Variants in PRKCE observed in about 807,000 individuals in gnomAD.
PRKCE encodes protein kinase C epsilon type.
PRKCE carries 16 observed loss-of-function variants against 85.4 expected under a neutral mutation model. That is an observed-to-expected ratio of 0.19 (90% confidence interval 0.13 to 0.28). The LOEUF is 0.28. Ranked by LOEUF, PRKCE falls within the 10% of genes least tolerant of loss-of-function variation. The probability of loss-of-function intolerance (pLI) is 1.00; values close to 1 mark genes in which losing one functional copy is unlikely to be tolerated. For synonymous variants in PRKCE, 388 were observed against 371.5 expected, an observed-to-expected ratio of 1.04 and a Z score of -0.51; for missense variants, 573 against 975.2, an observed-to-expected ratio of 0.59 and a Z score of 5.49.
intron 2 of PRKCE, among the ~76,000 whole-genome samples, chr2:45,934,373 G>A (rs977652129): frequency 1.3e-5 from 2 of 152,344 alleles, no homozygotes; most frequent in South Asian, 4.1e-4. Flanking sequence ...TGTTGGCCAG[G>A]CATGGTCACT....
At chr2:45,742,507 G>A (rs542105354) in intron 1 of PRKCE, among the ~76,000 whole-genome samples, 3 of 151,708 alleles carry the variant, frequency 2.0e-5, no homozygotes, top group Admixed American at 6.6e-5. Flanking sequence ...ATACCAACAG[G>A]TATATGAAAG....
chr2:46,157,966 A>C (rs974112877), intron 13 of PRKCE, among the ~76,000 whole-genome samples: 2 of 152,256 alleles, frequency 1.3e-5, no homozygotes, highest in African/African-American at 2.4e-5. Context: ...TATGCAGTGC[A>C]CAACCTGTGC....
chr2:46,146,732 G>A (rs1471578049), intron 12 of PRKCE, among the ~76,000 whole-genome samples: 1 of 152,168 alleles, frequency 6.6e-6, no homozygotes, highest in Non-Finnish European at 1.5e-5. Context: ...CACAAATCAG[G>A]ATCTTAGAAA....
At chr2:46,002,798 C>G (rs909426704) in intron 7 of PRKCE, among the ~76,000 whole-genome samples, 1 of 152,226 alleles carries the variant, frequency 6.6e-6, no homozygotes, top group Non-Finnish European at 1.5e-5. Context: ...TGAGCAAACA[C>G]TCTGTCATGA....
chr2:45,808,170 C>T (rs1012831707), intron 1 of PRKCE, among the ~76,000 whole-genome samples: 1 of 152,082 alleles, frequency 6.6e-6, no homozygotes, highest in Non-Finnish European at 1.5e-5. Context: ...TCCCCCAAGC[C>T]AGAGTTATAA....
At chr2:45,955,472 C>T (rs933597994) in intron 2 of PRKCE, among the ~76,000 whole-genome samples, 4 of 152,152 alleles carry the variant, frequency 2.6e-5, no homozygotes, top group African/African-American at 9.7e-5. Flanking sequence ...TCTCTGAACT[C>T]TTATGTTTAT....
At chr2:46,011,032 C>A in intron 10 of PRKCE, 1 of 1,067,048 alleles carries the variant, frequency 9.4e-7, no homozygotes, top group Non-Finnish European at 1.2e-6. Context: ...TGTCTGGGAA[C>A]CAGAAGGTGG....
chr2:45,790,216 G>C (rs1034972389), intron 1 of PRKCE, among the ~76,000 whole-genome samples: 2 of 152,228 alleles, frequency 1.3e-5, no homozygotes, highest in Admixed American at 1.3e-4. Context: ...TGGATGAAAT[G>C]TGCAGCTGAA....
intron 1 of PRKCE, among the ~76,000 whole-genome samples, chr2:45,714,157 T>C (rs1038056595): frequency 6.6e-6 from 1 of 152,186 alleles, no homozygotes; most frequent in African/African-American, 2.4e-5. Flanking sequence ...GCAGACACGA[T>C]AGGCATGGCC....
At chr2:45,922,781 CCA>C (rs1339241289) in intron 2 of PRKCE, among the ~76,000 whole-genome samples, 1 of 152,156 alleles carries the variant, frequency 6.6e-6, no homozygotes, top group African/African-American at 2.4e-5. Context: ...GGAGTTGAGA[CCA>C]CACAGTGCAA....
chr2:45,816,962 T>C (rs1558705372), intron 1 of PRKCE, among the ~76,000 whole-genome samples: 1 of 152,178 alleles, frequency 6.6e-6, no homozygotes, highest in Non-Finnish European at 1.5e-5. Context: ...CATTGTGAAC[T>C]TATAATAACA....
rs1485871449 is a variant in PRKCE at position 45,652,100 on chromosome 2, C to T, written c.-1C>T. ...CCCGGCCCCCACTCCCCGCCCCGAC[C>T]ATGGTAGTGTTCAATGGCCTTCTTA... On this transcript the variant is annotated 5_prime_UTR_variant, in exon 1 of 15. Coordinates refer to ENST00000306156, the MANE Select transcript of PRKCE (RefSeq NM_005400.3). The surrounding 1 kb of genome is among the most constrained non-coding windows in gnomAD (Gnocchi z 7.7). 1.3e-6 allele frequency: 2 copies of T among 1,555,098 alleles called. No homozygotes were observed. Among genetic ancestry groups the T allele is most frequent in the Admixed American group, 1.8e-5 (1 of 54,586 alleles).
At chr2:45,972,231 TA>T (rs1190089891) in intron 2 of PRKCE, among the ~76,000 whole-genome samples, 3 of 152,212 alleles carry the variant, frequency 2.0e-5, no homozygotes, top group Non-Finnish European at 4.4e-5. Context: ...AACATCTTAT[TA>T]AATACCTGTA....
chr2:45,839,637 A>C (rs1474785125), intron 1 of PRKCE, among the ~76,000 whole-genome samples: 4 of 152,216 alleles, frequency 2.6e-5, no homozygotes, highest in African/African-American at 9.7e-5. Flanking sequence ...AGGGCTGGGC[A>C]CTTACATTGC....
At chr2:45,688,366 A>G (rs1203192543) in intron 1 of PRKCE, among the ~76,000 whole-genome samples, 1 of 152,180 alleles carries the variant, frequency 6.6e-6, no homozygotes, top group Non-Finnish European at 1.5e-5. Flanking sequence ...GCTGAGATTC[A>G]TGGATGTTCA....
intron 2 of PRKCE, among the ~76,000 whole-genome samples, chr2:45,850,449 C>G (rs1037244951): frequency 1.3e-5 from 2 of 152,350 alleles, no homozygotes; most frequent in Non-Finnish European, 2.9e-5. Flanking sequence ...CAGCTGAGAT[C>G]ATACTGGCCC....
chr2:46,187,234 G>C lies in PRKCE; in HGVS notation c.*2353G>C, dbSNP rs928832034. The C allele has an allele frequency of 3.9e-5, 6 of 152,600 alleles. No individual in the cohort carries two copies. Among genetic ancestry groups the C allele is most frequent in the African/African-American group, 1.2e-4 (5 of 41,440 alleles). The allele number at this position is 152,600 out of a possible 1,614,324, so 9.5% of individuals were successfully genotyped here. A position where few individuals can be genotyped will look rare whatever the true frequency, so the allele number is the denominator to read the frequency against. ...AGTGTTTGCACGGCAGTGGGAACTGGGCCTTTCCTACAGGACAACTGGCAA... is the reference window on the plus strand; with the variant it reads ...AGTGTTTGCACGGCAGTGGGAACTGCGCCTTTCCTACAGGACAACTGGCAA... On this transcript the variant is annotated 3_prime_UTR_variant, in exon 15 of 15. Transcript: ENST00000306156.
intron 1 of PRKCE, chr2:45,770,903 A>T (rs1052944497): frequency 5.3e-5 from 8 of 151,542 alleles, no homozygotes; most frequent in African/African-American, 1.9e-4. Flanking sequence ...TTAGGAAGTC[A>T]TTAAGGAATT....
intron 11 of PRKCE, among the ~76,000 whole-genome samples, chr2:46,110,497 A>G (rs1189689622): frequency 2.0e-5 from 3 of 152,158 alleles, no homozygotes; most frequent in Admixed American, 2.0e-4. Context: ...TACAGCATTC[A>G]TTTATTACTG....
Sources: gnomAD v4.1 joint callset for allele counts (sites outside exome capture counted in the v4.1 genomes callset) on GRCh38, gnomAD v4.1.1 for gene constraint, Gnocchi (gnomAD v3.1) non-coding constraint, MANE v1.5 for transcripts, NCBI Gene and HGNC (gene_info 2026-07-23, HGNC 2026-07-21) for gene names.